Variants in MMP26 observed in about 807,000 individuals in gnomAD.
MMP26 encodes matrix metallopeptidase 26, also known as matrix metalloproteinase-26.
A neutral mutation model predicts 31.0 loss-of-function variants in MMP26; 33 were observed. The observed-to-expected ratio is 1.06, with a 90% CI of 0.81 to 1.42. The LOEUF is 1.42. Ranked by LOEUF, MMP26 falls within the 40% of genes most tolerant of loss-of-function variation. The pLI, the probability that MMP26 is intolerant of heterozygous loss-of-function variation, is 0.00. For missense variants in MMP26, 347 were observed against 316.1 expected (o/e 1.10, Z -0.74); for synonymous variants, 122 against 114.9 (o/e 1.06, Z -0.40).
At chr11:4,920,974 G>C (rs890816062) in intron 2 of MMP26, among the ~76,000 whole-genome samples, 1 of 152,156 alleles carries the variant, frequency 6.6e-6, no homozygotes, top group Non-Finnish European at 1.5e-5. Context: ...ATGAACAAGT[G>C]AATATTTATT....
At chr11:4,737,060 A>T (rs892149184) in intron 1 of MMP26, 2 of 152,492 alleles carry the variant, frequency 1.3e-5, no homozygotes, top group Admixed American at 6.5e-5. Flanking sequence ...CCAGTCAGGA[A>T]AAAGATCAGA....
intron 1 of MMP26, chr11:4,722,675 C>G (rs1848030567): frequency 1.4e-6 from 1 of 703,262 alleles, no homozygotes; most frequent in Non-Finnish European, 2.5e-6. Context: ...ACAGTGGCCT[C>G]CCTCCTGTGC....
intron 2 of MMP26, among the ~76,000 whole-genome samples, chr11:4,929,842 A>G (rs1159846474): frequency 6.6e-6 from 1 of 152,124 alleles, no homozygotes; most frequent in Admixed American, 6.6e-5. Flanking sequence ...ACTTAACCTT[A>G]TTGTGAATGC....
rs1300931001 is a variant in MMP26, at chr11:4,704,905, A to T, written c.-357A>T. The T allele has an allele frequency of 6.6e-6, 1 of 152,212 alleles. No homozygotes were observed. The highest frequency in any genetic ancestry group is 2.4e-5 in the African/African-American group (1 of 41,446). The allele number at this position is 152,212 out of a possible 1,614,324, so 9.4% of individuals were successfully genotyped here. A position where few individuals can be genotyped will look rare whatever the true frequency, so the allele number is the denominator to read the frequency against. ...CTATAGTAGTACAGAACCTTTCTGC[A>T]AGTAAGTTAGTGAGGTTGAGATAAC... On this transcript the variant is annotated 5_prime_UTR_variant, in exon 1 of 8. Transcript: ENST00000380390.
intron 2 of MMP26, among the ~76,000 whole-genome samples, chr11:4,812,240 A>G (rs888890364): frequency 1.3e-5 from 2 of 152,132 alleles, no homozygotes; most frequent in African/African-American, 4.8e-5. Context: ...ATATATATGT[A>G]TATGTATATG....
At chr11:4,911,820 C>T (rs755992959) in intron 2 of MMP26, among the ~76,000 whole-genome samples, 8 of 152,142 alleles carry the variant, frequency 5.3e-5, no homozygotes, top group South Asian at 2.1e-4. Flanking sequence ...ATTTACTGTG[C>T]TGTTGTCTGT....
chr11:4,812,232 ATATATG>A (rs1051504680), intron 2 of MMP26, among the ~76,000 whole-genome samples: 49 of 152,294 alleles, frequency 3.2e-4, no homozygotes, highest in Admixed American at 8.5e-4. Flanking sequence ...GTGTGTATAT[ATATATG>A]TATATGTATA....
At chr11:4,719,462 T>A (rs1847981330) in intron 1 of MMP26, 1 of 153,834 alleles carries the variant, frequency 6.5e-6, no homozygotes, top group Non-Finnish European at 1.5e-5. Flanking sequence ...GCCTACCTAC[T>A]AATCCCTCCT....
At chr11:4,849,559 G>C (rs1377649802) in intron 2 of MMP26, among the ~76,000 whole-genome samples, 2 of 152,012 alleles carry the variant, frequency 1.3e-5, no homozygotes, top group Non-Finnish European at 2.9e-5. Context: ...TTAGGAAACA[G>C]TCCATTTATC....
At chr11:4,869,557 G>C (rs1337147720) in intron 2 of MMP26, among the ~76,000 whole-genome samples, 1 of 152,138 alleles carries the variant, frequency 6.6e-6, no homozygotes, top group Non-Finnish European at 1.5e-5. Flanking sequence ...TCATGAAAAA[G>C]TCAGGAAACA....
At chr11:4,870,441 G>A (rs1430944664) in intron 2 of MMP26, among the ~76,000 whole-genome samples, 1 of 152,114 alleles carries the variant, frequency 6.6e-6, no homozygotes, top group Non-Finnish European at 1.5e-5. Context: ...TGGAAAAGTT[G>A]AAATATTTTA....
At chr11:4,953,382 T>C (rs1295097392) in intron 2 of MMP26, among the ~76,000 whole-genome samples, 3 of 124,712 alleles carry the variant, frequency 2.4e-5, no homozygotes, top group Non-Finnish European at 3.6e-5. Context: ...CAATCGCTCA[T>C]AATACACTTT....
intron 1 of MMP26, among the ~76,000 whole-genome samples, chr11:4,753,322 T>G (rs1193292445): frequency 4.6e-5 from 7 of 152,186 alleles, no homozygotes. Flanking sequence ...TTAGCTTCTT[T>G]CATTCAGTAT....
intron 2 of MMP26, among the ~76,000 whole-genome samples, chr11:4,919,519 A>G (rs1437271876): frequency 6.6e-6 from 1 of 152,098 alleles, no homozygotes; most frequent in Non-Finnish European, 1.5e-5. Flanking sequence ...GGGCAAGGAG[A>G]CTGGTCTTGT....
chr11:4,785,725 G>T (rs1240110066), intron 2 of MMP26, among the ~76,000 whole-genome samples: 2 of 152,132 alleles, frequency 1.3e-5, no homozygotes, highest in African/African-American at 2.4e-5. Context: ...GCCTCATGAG[G>T]TGATAAATGA....
At chr11:4,878,459 G>GA (rs1211522995) in intron 2 of MMP26, among the ~76,000 whole-genome samples, 2 of 152,178 alleles carry the variant, frequency 1.3e-5, no homozygotes, top group South Asian at 4.1e-4. Flanking sequence ...CAGAGTTTGA[G>GA]AAAATGGTGC....
chr11:4,903,158 T>C (rs1204681164), intron 2 of MMP26, among the ~76,000 whole-genome samples: 1 of 152,090 alleles, frequency 6.6e-6, no homozygotes, highest in Non-Finnish European at 1.5e-5. Context: ...ACATATAAAA[T>C]AGAAATATGT....
intron 2 of MMP26, among the ~76,000 whole-genome samples, chr11:4,799,510 G>A (rs1849153571): frequency 6.6e-6 from 1 of 152,076 alleles, no homozygotes; most frequent in African/African-American, 2.4e-5. Context: ...CCAATGTTGG[G>A]GATCACATTT....
chr11:4,971,765 T>A (rs558400394), intron 2 of MMP26, among the ~76,000 whole-genome samples: 2 of 152,240 alleles, frequency 1.3e-5, no homozygotes, highest in South Asian at 4.1e-4. Context: ...CAATATCTGG[T>A]TCTGGCGAGA....
Sources: allele counts gnomAD v4.1 joint callset (sites outside exome capture counted in the v4.1 genomes callset), GRCh38; gene constraint gnomAD v4.1.1; transcripts MANE v1.5; gene names NCBI Gene and HGNC (gene_info 2026-07-23, HGNC 2026-07-21).